DAB1: variants seen among roughly 807,000 people sequenced by gnomAD.
DAB1 encodes the protein disabled homolog 1.
A neutral mutation model predicts 64.6 loss-of-function variants in DAB1; 15 were observed. The observed-to-expected ratio is 0.23, with a 90% CI of 0.16 to 0.36. The LOEUF is 0.36. Ranked by LOEUF, DAB1 falls within the 10% of genes least tolerant of loss-of-function variation. The probability of loss-of-function intolerance (pLI) is 1.00; values close to 1 mark genes in which losing one functional copy is unlikely to be tolerated. For synonymous variants in DAB1, 235 were observed against 251.9 expected (o/e 0.93, Z 0.64); for missense variants, 596 against 706.7 (o/e 0.84, Z 1.78).
At chr1:57,409,467 C>T (rs1428173529) in intron 1 of DAB1, among the ~76,000 whole-genome samples, 2 of 152,186 alleles carry the variant, frequency 1.3e-5, no homozygotes, top group Admixed American at 1.3e-4. Context: ...GACACTTTTA[C>T]ACCCCACACA....
At chr1:58,120,548 A>G (rs1474305503) in intron 5 of DAB1, among the ~76,000 whole-genome samples, 5 of 152,138 alleles carry the variant, frequency 3.3e-5, no homozygotes, top group Non-Finnish European at 7.4e-5. Context: ...AGGGATACCA[A>G]CATACCTAGA....
chr1:57,953,397 A>T (rs1348810673), intron 5 of DAB1, among the ~76,000 whole-genome samples: 5 of 152,206 alleles, frequency 3.3e-5, no homozygotes, highest in African/African-American at 7.2e-5. Context: ...TTTTGGTATT[A>T]AAGCTACATT....
chr1:58,055,411 A>G (rs576918787), intron 5 of DAB1, among the ~76,000 whole-genome samples: 18 of 151,978 alleles, frequency 1.2e-4, no homozygotes, highest in African/African-American at 3.9e-4. Context: ...TATCACCTTC[A>G]TTCTACTCTA....
At chr1:58,010,871 A>G (rs1287256115) in intron 5 of DAB1, among the ~76,000 whole-genome samples, 2 of 152,256 alleles carry the variant, frequency 1.3e-5, no homozygotes, top group African/African-American at 4.8e-5. Flanking sequence ...ATGGCCTTCC[A>G]GGCAACCAGT....
chr1:58,314,003 T>C (rs189218748), intron 4 of DAB1, among the ~76,000 whole-genome samples: 11 of 152,240 alleles, frequency 7.2e-5, no homozygotes, highest in African/African-American at 2.4e-4. Context: ...CCACAGCACA[T>C]AGCATGAATT....
At chr1:57,560,830 G>T (rs966602773) in intron 7 of DAB1, among the ~76,000 whole-genome samples, 19 of 152,182 alleles carry the variant, frequency 1.2e-4, no homozygotes, top group Non-Finnish European at 2.6e-4. Context: ...TTGGAGCAAG[G>T]CTCTGACATC....
intron 3 of DAB1, among the ~76,000 whole-genome samples, chr1:57,144,464 G>T (rs1187029170): frequency 6.6e-6 from 1 of 152,070 alleles, no homozygotes; most frequent in Non-Finnish European, 1.5e-5. Context: ...GGGAGGCCGA[G>T]GCGGACGGAT....
chr1:58,379,675 T>C (rs1644370057), intron 3 of DAB1, among the ~76,000 whole-genome samples: 1 of 152,266 alleles, frequency 6.6e-6, no homozygotes, highest in Non-Finnish European at 1.5e-5. Context: ...GAAAACACAG[T>C]TCTTCCCCAA....
At chr1:58,457,603 C>T (rs1056237648) in intron 3 of DAB1, among the ~76,000 whole-genome samples, 13 of 152,182 alleles carry the variant, frequency 8.5e-5, no homozygotes, top group African/African-American at 2.4e-4. Flanking sequence ...TGAAAAATAA[C>T]GAAGGTGACA....
At chr1:58,157,701 A>AT (rs1655296178) in intron 4 of DAB1, among the ~76,000 whole-genome samples, 1 of 152,188 alleles carries the variant, frequency 6.6e-6, no homozygotes, top group African/African-American at 2.4e-5. Context: ...AGTTGCTGGA[A>AT]TCCAGAACCA....
At chr1:58,420,524 A>C (rs557429138) in intron 3 of DAB1, among the ~76,000 whole-genome samples, 28 of 152,340 alleles carry the variant, frequency 1.8e-4, no homozygotes, top group Admixed American at 7.2e-4. Flanking sequence ...GTTCACAGAC[A>C]ATGCTCACTA....
At chr1:58,105,872 TC>T (rs1651604902) in intron 5 of DAB1, among the ~76,000 whole-genome samples, 1 of 152,180 alleles carries the variant, frequency 6.6e-6, no homozygotes, top group East Asian at 1.9e-4. Flanking sequence ...GCACTTTTCC[TC>T]TCCATTCAGT....
intron 5 of DAB1, among the ~76,000 whole-genome samples, chr1:58,022,289 T>C (rs577913873): frequency 6.6e-6 from 1 of 152,304 alleles, no homozygotes; most frequent in East Asian, 1.9e-4. Flanking sequence ...CAGAAGCTCC[T>C]CCTTAACTCT....
chr1:58,452,135 C>T (rs1005308152), intron 3 of DAB1, among the ~76,000 whole-genome samples: 3 of 151,710 alleles, frequency 2.0e-5, no homozygotes, highest in Admixed American at 6.6e-5. Context: ...GGTTTCGCCA[C>T]GTTGGTCAGG....
At chr1:57,507,966 A>AT (rs1644364314) in intron 7 of DAB1, among the ~76,000 whole-genome samples, 1 of 152,180 alleles carries the variant, frequency 6.6e-6, no homozygotes, top group Admixed American at 6.5e-5. Flanking sequence ...GAATATGTAG[A>AT]TTCCTGAGTC....
At chr1:57,000,375 C>A (rs1645812783) in intron 14 of DAB1, among the ~76,000 whole-genome samples, 1 of 152,228 alleles carries the variant, frequency 6.6e-6, no homozygotes, top group South Asian at 2.1e-4. Flanking sequence ...ATGAACCTAG[C>A]ACAGTAGGTC....
chr1:57,399,990 A>G (rs1683111359), intron 1 of DAB1, among the ~76,000 whole-genome samples: 1 of 152,194 alleles, frequency 6.6e-6, no homozygotes, highest in Non-Finnish European at 1.5e-5. Context: ...GTACTCACTC[A>G]CTGAATGGCC....
At chr1:57,966,214 A>G (rs1645662563) in intron 5 of DAB1, among the ~76,000 whole-genome samples, 2 of 152,180 alleles carry the variant, frequency 1.3e-5, no homozygotes, top group Non-Finnish European at 1.5e-5. Context: ...GGAGGTTGCG[A>G]TAAATTAAAT....
intron 4 of DAB1, among the ~76,000 whole-genome samples, chr1:58,168,929 G>A (rs975871452): frequency 1.1e-4 from 16 of 152,148 alleles, no homozygotes; most frequent in Non-Finnish European, 2.4e-4. Flanking sequence ...ATTTTTCTCG[G>A]TCCTCTTTGT....
Sources: allele counts gnomAD v4.1 joint callset (sites outside exome capture counted in the v4.1 genomes callset), GRCh38; gene constraint gnomAD v4.1.1; transcripts MANE v1.5; gene names NCBI Gene and HGNC (gene_info 2026-07-23, HGNC 2026-07-21).